PPP2R2B: variants seen among roughly 807,000 people sequenced by gnomAD.
PPP2R2B encodes protein phosphatase 2 regulatory subunit Bbeta.
PPP2R2B carries 5 observed loss-of-function variants against 46.0 expected under a neutral mutation model. The observed-to-expected ratio is 0.11, with a 90% CI of 0.06 to 0.23. PPP2R2B has a LOEUF of 0.23. Among genes scored for constraint, PPP2R2B ranks in the 10% least tolerant of loss-of-function variants. The pLI is 1.00. For missense variants in PPP2R2B, 367 were observed against 575.0 expected, an observed-to-expected ratio of 0.64 and a Z score of 3.70; for synonymous variants, 215 against 206.7, an observed-to-expected ratio of 1.04 and a Z score of -0.34.
At chr5:146,680,017 C>T (rs1778035422) in intron 5 of PPP2R2B, among the ~76,000 whole-genome samples, 3 of 148,372 alleles carry the variant, frequency 2.0e-5, no homozygotes, top group Non-Finnish European at 4.5e-5. Context: ...ACTAGAAATC[C>T]CATTTGACCC....
chr5:146,647,588 A>ATCTGGCAGTCTGCAGAATCTGG (rs1341667072), intron 6 of PPP2R2B, among the ~76,000 whole-genome samples: 1 of 152,208 alleles, frequency 6.6e-6, no homozygotes, highest in African/African-American at 2.4e-5. Context: ...AGTCTGTCAC[A>ATCTGGCAGTCTGCAGAATCTGG]CATCTGCAGA....
At chr5:146,648,763 G>T (rs191885341) in intron 6 of PPP2R2B, among the ~76,000 whole-genome samples, 3 of 152,214 alleles carry the variant, frequency 2.0e-5, no homozygotes, top group Admixed American at 6.5e-5. Flanking sequence ...GAATGCTGTG[G>T]GCAAAATATT....
At chr5:146,626,511 C>T (rs1329745297) in intron 7 of PPP2R2B, among the ~76,000 whole-genome samples, 16 of 152,184 alleles carry the variant, frequency 1.1e-4, no homozygotes, top group Admixed American at 7.9e-4. Flanking sequence ...GGCCAGTGCC[C>T]TCCCTAGGCT....
At chr5:146,666,585 T>A (rs540478168) in intron 5 of PPP2R2B, among the ~76,000 whole-genome samples, 3 of 151,988 alleles carry the variant, frequency 2.0e-5, no homozygotes, top group Non-Finnish European at 4.4e-5. Context: ...GGACAGGGAG[T>A]CAGCCCATTC....
intron 1 of PPP2R2B, among the ~76,000 whole-genome samples, chr5:146,905,148 GT>G (rs1469118017): frequency 4.1e-4 from 62 of 152,296 alleles, no homozygotes; most frequent in African/African-American, 1.5e-3. Flanking sequence ...ACTATGTCAA[GT>G]GTTGGTGAGG....
chr5:146,824,478 A>G (rs1401530041), intron 2 of PPP2R2B, among the ~76,000 whole-genome samples: 1 of 152,174 alleles, frequency 6.6e-6, no homozygotes, highest in Non-Finnish European at 1.5e-5. Context: ...TAGAATTAGC[A>G]TCTATTGCTT....
intron 4 of PPP2R2B, among the ~76,000 whole-genome samples, chr5:146,695,114 CTATTAT>C (rs1427078635): frequency 6.6e-6 from 1 of 151,944 alleles, no homozygotes; most frequent in African/African-American, 2.4e-5. Context: ...GAAGATATTC[CTATTAT>C]TAAGTGTTAT....
intron 6 of PPP2R2B, among the ~76,000 whole-genome samples, chr5:146,640,956 C>T (rs1276676707): frequency 6.6e-6 from 1 of 152,132 alleles, no homozygotes; most frequent in African/African-American, 2.4e-5. Context: ...TTCCTATCCC[C>T]AGCAGGTCTC....
At chr5:146,918,923 G>A (rs1763493201) in intron 1 of PPP2R2B, among the ~76,000 whole-genome samples, 1 of 152,178 alleles carries the variant, frequency 6.6e-6, no homozygotes, top group Non-Finnish European at 1.5e-5. Context: ...TTTTCTGCTA[G>A]ATTTAACCTC....
chr5:146,732,833 C>T (rs887633086), intron 2 of PPP2R2B, among the ~76,000 whole-genome samples: 2 of 152,134 alleles, frequency 1.3e-5, no homozygotes, highest in South Asian at 2.1e-4. Context: ...ACTCCACCTC[C>T]ATATAGACTG....
intron 2 of PPP2R2B, among the ~76,000 whole-genome samples, chr5:146,714,795 C>A (rs1321800020): frequency 7.1e-6 from 1 of 140,990 alleles, no homozygotes; most frequent in Admixed American, 6.9e-5. Context: ...GAATAAAAGA[C>A]CTCTTGATTT....
chr5:146,643,468 T>C (rs2151085393), intron 6 of PPP2R2B, among the ~76,000 whole-genome samples: 1 of 152,304 alleles, frequency 6.6e-6, no homozygotes, highest in South Asian at 2.1e-4. Flanking sequence ...AGAAATTATG[T>C]CTCTATATGT....
chr5:146,968,097 A>C (rs1160805259), intron 1 of PPP2R2B, among the ~76,000 whole-genome samples: 1 of 152,126 alleles, frequency 6.6e-6, no homozygotes, highest in Non-Finnish European at 1.5e-5. Context: ...GAAACTTGAC[A>C]CTGTACTTAT....
chr5:147,018,462 T>TA (rs1271990095), intron 1 of PPP2R2B, among the ~76,000 whole-genome samples: 3 of 152,196 alleles, frequency 2.0e-5, no homozygotes, highest in African/African-American at 7.2e-5. Context: ...ATCTCATTTT[T>TA]TATATATATT....
intron 5 of PPP2R2B, among the ~76,000 whole-genome samples, chr5:146,673,311 TAC>T (rs1298142304): frequency 7.2e-6 from 1 of 137,952 alleles, no homozygotes. Context: ...GTAAAGTAAG[TAC>T]AAATGTCTAA....
In PPP2R2B at chr5:146,701,030, T is replaced by C. The variant is rs971705765; in HGVS notation, c.168+15A>G. The C allele has an allele frequency of 1.3e-6, 2 of 1,594,852 alleles. No individual in the cohort carries two copies. The highest frequency in any genetic ancestry group is 1.7e-5 in the Admixed American group (1 of 59,970). On this transcript the variant is annotated intron_variant, in intron 3 of 9. Coordinates refer to ENST00000394411, the MANE Select transcript of PPP2R2B (RefSeq NM_181675.4). ...AAGTGAAGAAAATGGGCATTTTGCA[T>C]TCACCACCACTTACCTCCTGCTCTC...
At chr5:146,683,709 C>T (rs529493173) in intron 5 of PPP2R2B, among the ~76,000 whole-genome samples, 5 of 152,176 alleles carry the variant, frequency 3.3e-5, no homozygotes, top group South Asian at 2.1e-4. Context: ...CCCCCAAAGG[C>T]GAAACATGTC....
intron 7 of PPP2R2B, among the ~76,000 whole-genome samples, chr5:146,616,251 C>G (rs1773158947): frequency 6.6e-6 from 1 of 152,192 alleles, no homozygotes; most frequent in South Asian, 2.1e-4. Flanking sequence ...GGATTGAAGA[C>G]TTAAATCTAA....
At chr5:146,689,105 A>G (rs1778678101) in intron 5 of PPP2R2B, among the ~76,000 whole-genome samples, 1 of 152,206 alleles carries the variant, frequency 6.6e-6, no homozygotes, top group South Asian at 2.1e-4. Context: ...GGGGGTAATA[A>G]TAGCCATGAT....
Sources: gnomAD v4.1 joint callset for allele counts (sites outside exome capture counted in the v4.1 genomes callset) on GRCh38, gnomAD v4.1.1 for gene constraint, MANE v1.5 for transcripts, NCBI Gene and HGNC (gene_info 2026-07-23, HGNC 2026-07-21) for gene names.